The following DUSP16 variants were observed in gnomAD, a reference collection of about 807,000 sequenced individuals.
The protein encoded by DUSP16 is dual specificity phosphatase 16, also known as dual specificity protein phosphatase 16.
Under a neutral mutation model 58.3 loss-of-function variants are expected in DUSP16, and 21 were observed. That is an observed-to-expected ratio of 0.36 (90% CI 0.26 to 0.52). DUSP16 has a LOEUF of 0.52. Among genes scored for constraint, DUSP16 ranks in the 20% least tolerant of loss-of-function variants. The pLI is 0.94. For missense variants in DUSP16, 726 were observed against 819.0 expected, an observed-to-expected ratio of 0.89 and a Z score of 1.39; for synonymous variants, 320 against 323.8, an observed-to-expected ratio of 0.99 and a Z score of 0.12.
At chr12:12,494,108 TG>T in intron 4 of DUSP16, among the ~76,000 whole-genome samples, 1 of 152,348 alleles carries the variant, frequency 6.6e-6, no homozygotes, top group African/African-American at 2.4e-5. Flanking sequence ...CATCTTCTAA[TG>T]AGAAACCTTC....
Position 12,475,651 on chromosome 12 carries a change from C to G in DUSP16, c.*1182G>C, listed in dbSNP as rs1021547665. ...GCAATCATAGAAACATCAGCCCCAT[C>G]GCATGCCGAGGGGATAAAAGCCACT... is the stretch of plus-strand genomic sequence containing the variant. On this transcript the variant is annotated 3_prime_UTR_variant, in exon 7 of 7. Transcript: ENST00000298573. 6.6e-5 allele frequency: 10 copies of G among 152,200 alleles called. No homozygotes were observed. The highest frequency in any genetic ancestry group is 2.4e-4 in the African/African-American group (10 of 41,448). 9.4% of individuals were successfully genotyped at this position (152,200 alleles called of 1,614,324 possible). A position where few individuals can be genotyped will look rare whatever the true frequency, so the allele number is the denominator to read the frequency against.
chr12:12,494,965 A>G (rs1943808830), intron 4 of DUSP16, among the ~76,000 whole-genome samples: 2 of 152,164 alleles, frequency 1.3e-5, no homozygotes, highest in Non-Finnish European at 1.5e-5. Flanking sequence ...GTACATGGGT[A>G]ACGGCCCCAG....
At chr12:12,516,205 T>C (rs1322271245) in intron 3 of DUSP16, among the ~76,000 whole-genome samples, 2 of 152,006 alleles carry the variant, frequency 1.3e-5, no homozygotes, top group African/African-American at 4.8e-5. Flanking sequence ...AGTGTTGCAA[T>C]CACAGCTCAC....
rs765033344 is a variant in DUSP16 at position 12,480,247 on chromosome 12, T to C, written c.791A>G (p.Asp264Gly). The change falls in exon 6 of 7, where the codon GAC becomes GGC. Residue 264 changes from aspartate (D) to glycine (G), a missense_variant. By Grantham distance (94) the Asp-to-Gly change is moderately conservative. Transcript: ENST00000298573. The part of the protein sequence containing the change: ...IAIAYIMKRM[D>G]MSLDEAYRFV... ...CCTGTAAGCTTCATCTAAAGACATG[T>C]CCATCCTCTTCATGATGTAGGCGAT... 2 of 1,614,204 alleles carry C rather than the reference T, an allele frequency of 1.2e-6. No individual in the cohort carries two copies. The highest frequency in any genetic ancestry group is 2.2e-5 in the East Asian group (1 of 44,886).
In DUSP16 at chr12:12,476,457, C is replaced by T. The variant is rs1244184126; in HGVS notation, c.*376G>A. 1.7e-5 allele frequency: 3 copies of T among 176,988 alleles called. No individual in the cohort carries two copies. The highest frequency in any genetic ancestry group is 1.3e-4 in the South Asian group (1 of 7,502). 11.0% of individuals were successfully genotyped at this position (176,988 alleles called of 1,614,324 possible). A position where few individuals can be genotyped will look rare whatever the true frequency, so the allele number is the denominator to read the frequency against. On this transcript the variant is annotated 3_prime_UTR_variant, in exon 7 of 7. Coordinates refer to ENST00000298573, the MANE Select transcript of DUSP16 (RefSeq NM_030640.3). ...CGCTAAGGTGTACTATGGAAGGGTC[C>T]GGACAAAGACTAATATTTGAGATCT...
At chr12:12,535,302 C>CTA (rs1944449271) in intron 1 of DUSP16, among the ~76,000 whole-genome samples, 1 of 152,144 alleles carries the variant, frequency 6.6e-6, no homozygotes, top group Non-Finnish European at 1.5e-5. Context: ...TAGTAATGGG[C>CTA]TATATCCCAT....
In DUSP16 at chr12:12,482,541, C is replaced by T. The variant is rs142679006; in HGVS notation, c.692-2195G>A. Among the ~76,000 whole-genome samples, 4 of 151,832 alleles carry T rather than the reference C, an allele frequency of 2.6e-5. No individual in the cohort carries two copies. In the East Asian group the frequency reaches 5.8e-4, roughly 22 times the overall value. On this transcript the variant is annotated intron_variant, in intron 5 of 6. Coordinates refer to ENST00000298573, the MANE Select transcript of DUSP16 (RefSeq NM_030640.3). ...TTCAAGCAAAGGAATTAATTTAACACACACAACTGGCAGAGAGGAGAAGGG... is the reference window on the plus strand; with the variant it reads ...TTCAAGCAAAGGAATTAATTTAACATACACAACTGGCAGAGAGGAGAAGGG...
At chr12:12,515,563 G>A (rs1390494295) in intron 3 of DUSP16, among the ~76,000 whole-genome samples, 2 of 151,908 alleles carry the variant, frequency 1.3e-5, no homozygotes, top group Non-Finnish European at 2.9e-5. Context: ...CCCAACCTCA[G>A]GTGATCCGCC....
At chr12:12,491,137 G>A (rs1224112223) in intron 4 of DUSP16, 1 of 150,562 alleles carries the variant, frequency 6.6e-6, no homozygotes, top group African/African-American at 2.4e-5. Context: ...TGTAACTGTT[G>A]TTAGTTTGCT....
At chr12:12,516,008 T>A (rs1220635719) in intron 3 of DUSP16, among the ~76,000 whole-genome samples, 3 of 151,834 alleles carry the variant, frequency 2.0e-5, no homozygotes, top group African/African-American at 7.3e-5. Flanking sequence ...ACTCCTGACC[T>A]CAGGTGATCC....
At chr12:12,504,713 G>A (rs66849795) in intron 3 of DUSP16, among the ~76,000 whole-genome samples, 1,772 of 122,644 alleles carry the variant, frequency 0.014, 30 homozygotes, top group Admixed American at 0.055. Flanking sequence ...AAAAAAAAAA[G>A]AAAGAAAGAA....
In DUSP16 at chr12:12,473,477, G is replaced by A. The variant is rs1943355226; in HGVS notation, c.*3356C>T. Among the ~76,000 whole-genome samples the A allele has an allele frequency of 6.6e-6, 1 of 152,128 alleles. No individual in the cohort carries two copies. Among genetic ancestry groups the A allele is most frequent in the Non-Finnish European group, 1.5e-5 (1 of 68,030 alleles). ...CCTCCTGTTACCCTCTATCTCTGGA[G>A]GCTGATTTATTCTAATTCCCTTTAT... On this transcript the variant is annotated 3_prime_UTR_variant, in exon 7 of 7. Coordinates refer to ENST00000298573, the MANE Select transcript of DUSP16 (RefSeq NM_030640.3).
chr12:12,477,623 T>C lies in DUSP16; in HGVS notation c.1208A>G (p.Asp403Gly), dbSNP rs1293718693. The part of the protein sequence containing the change: ...SNKLKRSFSL[D>G]IKSVSYSASM... Reference sequence around the variant, plus strand: ...GGCTGAATATGAAACTGATTTGATATCCAGAGAGAAGGAACGCTTGAGCTT... The same window carrying C: ...GGCTGAATATGAAACTGATTTGATACCCAGAGAGAAGGAACGCTTGAGCTT... Residue 403 changes from aspartate to glycine, a missense_variant, in exon 7 of 7, where the codon GAT becomes GGT. Transcript: ENST00000298573. The surrounding 1 kb of genome is among the most constrained non-coding windows in gnomAD (Gnocchi z 4.1). 5 of 1,614,122 alleles carry C rather than the reference T, an allele frequency of 3.1e-6. No homozygotes were observed. In the South Asian group the frequency reaches 3.3e-5, roughly 11 times the overall value.
intron 1 of DUSP16, among the ~76,000 whole-genome samples, chr12:12,531,229 G>A (rs1449150401): frequency 6.6e-6 from 1 of 152,152 alleles, no homozygotes; most frequent in East Asian, 1.9e-4. Flanking sequence ...CTAGGAGCAA[G>A]CAATGGAATG....
rs749939375 is a variant in DUSP16, at chr12:12,485,786, CT to C, written c.691+1241del. Among the ~76,000 whole-genome samples, 1,049 of 107,586 alleles carry C rather than the reference CT, an allele frequency of 9.8e-3. 5 individuals carry two copies. Among genetic ancestry groups the C allele is most frequent in the African/African-American group, 0.032 (823 of 25,414 alleles). The allele number at this position is 107,586 out of a possible 152,430, so 70.6% of individuals were successfully genotyped here. A position where few individuals can be genotyped will look rare whatever the true frequency, so the allele number is the denominator to read the frequency against. On this transcript the variant is annotated intron_variant, in intron 5 of 6. Transcript: ENST00000298573. ...AAGCCCCTGTGCCTGGCCAATTCCA[CT>C]TTTTTTTTTTTTTTTTTTTTTTTGG... is the stretch of plus-strand genomic sequence containing the variant.
At chr12:12,526,185 A>G (rs1358214214) in intron 1 of DUSP16, among the ~76,000 whole-genome samples, 1 of 152,240 alleles carries the variant, frequency 6.6e-6, no homozygotes, top group Non-Finnish European at 1.5e-5. Flanking sequence ...CAAATCTCCT[A>G]AAGAAATACC....
intron 3 of DUSP16, among the ~76,000 whole-genome samples, chr12:12,503,828 T>A (rs1352919511): frequency 3.3e-5 from 5 of 152,184 alleles, no homozygotes; most frequent in African/African-American, 1.2e-4. Flanking sequence ...TCCCCAAACT[T>A]ATCTGACCAT....
At chr12:12,481,857 CAG>C (rs1437072916) in intron 5 of DUSP16, among the ~76,000 whole-genome samples, 1 of 152,126 alleles carries the variant, frequency 6.6e-6, no homozygotes, top group African/African-American at 2.4e-5. Flanking sequence ...ACGTTACTCT[CAG>C]TGTTTCCTTC....
intron 1 of DUSP16, among the ~76,000 whole-genome samples, chr12:12,550,543 T>A (rs1163372025): frequency 2.6e-5 from 4 of 152,230 alleles, no homozygotes; most frequent in African/African-American, 9.6e-5. Context: ...TACTTGTATA[T>A]TCTTTACTGC....
Sources: allele counts gnomAD v4.1 joint callset (sites outside exome capture counted in the v4.1 genomes callset), GRCh38; gene constraint gnomAD v4.1.1; non-coding constraint Gnocchi (gnomAD v3.1); transcripts MANE v1.5; gene names NCBI Gene and HGNC (gene_info 2026-07-23, HGNC 2026-07-21).